RSPH14: variants seen among roughly 807,000 people sequenced by gnomAD.
RSPH14 encodes the protein rhabdoid tumor deletion region gene 1.
RSPH14 carries 20 observed loss-of-function variants against 26.7 expected under a neutral mutation model. The observed-to-expected ratio is 0.75, with a 90% confidence interval of 0.53 to 1.09. The LOEUF (loss-of-function observed/expected upper bound fraction) is 1.09. RSPH14 is among the 50% of genes least tolerant of loss of function. The probability of loss-of-function intolerance (pLI) is 0.00; values close to 1 mark genes in which losing one functional copy is unlikely to be tolerated. For missense variants in RSPH14, 449 were observed against 457.2 expected (o/e 0.98, Z 0.16); for synonymous variants, 177 against 189.3 (o/e 0.93, Z 0.53).
chr22:23,094,843 G>A (rs2069078122), intron 4 of RSPH14, among the ~76,000 whole-genome samples: 1 of 152,258 alleles, frequency 6.6e-6, no homozygotes, highest in Admixed American at 6.5e-5. Context: ...CTGGGCCGAG[G>A]CCTGGCCACC....
chr22:23,092,477 C>T (rs1024323343), intron 4 of RSPH14, among the ~76,000 whole-genome samples: 7 of 152,100 alleles, frequency 4.6e-5, no homozygotes, highest in African/African-American at 1.2e-4. Flanking sequence ...ATCTGAAAGA[C>T]GAGGGTCCTC....
At chr22:23,131,575 A>C (rs2070360410) in intron 4 of RSPH14, 1 of 1,294,632 alleles carries the variant, frequency 7.7e-7, no homozygotes. Flanking sequence ...GAATGCTTTA[A>C]ATAGGTCACA....
At chr22:23,134,238 T>C (rs984976471) in intron 3 of RSPH14, 94 bp from the exon 4 acceptor site, 14 of 909,676 alleles carry the variant, frequency 1.5e-5, no homozygotes, top group Non-Finnish European at 6.9e-6. Context: ...GTCTGATCCA[T>C]GCTATCTGGG....
At chr22:23,150,209 T>A in the RSPH14 span, 25 of 1,350,946 alleles carry the variant, frequency 1.9e-5, no homozygotes, top group African/African-American at 3.6e-4. Flanking sequence ...AATGAGTGCA[T>A]GAAGCACGTG....
At chr22:23,141,992 G>A, upstream of RSPH14, 1 of 985,548 alleles carries the variant, frequency 1.0e-6, no homozygotes, top group Non-Finnish European at 1.2e-6. Flanking sequence ...CGCGCCACTG[G>A]CCAACCTATT....
At chr22:23,085,561 C>T (rs189741484) in intron 4 of RSPH14, among the ~76,000 whole-genome samples, 193 of 152,290 alleles carry the variant, frequency 1.3e-3, no homozygotes, top group African/African-American at 4.3e-3. Context: ...TGGAACTGAG[C>T]CAGGGAGAGG....
At chr22:23,148,099 G>A (rs115112627), upstream of RSPH14, among the ~76,000 whole-genome samples, 837 of 152,276 alleles carry the variant, frequency 5.5e-3, 4 homozygotes, top group African/African-American at 0.014. Context: ...CCAGGCTGGT[G>A]AGGAGGAGGT....
At chr22:23,066,748 C>T (rs928463794) in intron 4 of RSPH14, among the ~76,000 whole-genome samples, 9 of 151,904 alleles carry the variant, frequency 5.9e-5, no homozygotes, top group African/African-American at 1.5e-4. Context: ...CCTGAGCGTC[C>T]GCTGGGGGTG....
chr22:23,102,108 A>G (rs1323072351), intron 4 of RSPH14, among the ~76,000 whole-genome samples: 1 of 152,208 alleles, frequency 6.6e-6, no homozygotes, highest in Admixed American at 6.5e-5. Flanking sequence ...TCCCTTCAGC[A>G]CCGGCTCCCC....
rs775728745 is a variant in RSPH14, at chr22:23,061,888, G to C, written c.711C>G (p.Val237=). ...GCTCCACTGGGTCTTTCAGCAGATG[G>C]ACCAGGATGGGGATGACGTCAAAAT... is the stretch of plus-strand genomic sequence containing the variant. ...VCHFDVIPIL[V]HLLKDPVEHV... The change falls in exon 6 of 7, where the codon GTC becomes GTG. Residue 237 remains valine (V), a synonymous_variant. Coordinates refer to ENST00000216036, the MANE Select transcript of RSPH14 (RefSeq NM_014433.3). 5.0e-6 allele frequency: 8 copies of C among 1,614,048 alleles called. No individual in the cohort carries two copies. In the African/African-American group the frequency reaches 1.1e-4, roughly 22 times the overall value.
At chr22:23,151,483 T>C in the RSPH14 span, among the ~76,000 whole-genome samples, 1 of 152,302 alleles carries the variant, frequency 6.6e-6, no homozygotes, top group Middle Eastern at 3.4e-3. Flanking sequence ...AGTGGTGCCC[T>C]CTTGCTGTCT....
chr22:23,167,190 C>G, the RSPH14 span, among the ~76,000 whole-genome samples: 1 of 152,138 alleles, frequency 6.6e-6, no homozygotes, highest in Non-Finnish European at 1.5e-5. Context: ...GGCTCAATGT[C>G]TCTCAGTCAG....
the RSPH14 span, among the ~76,000 whole-genome samples, chr22:23,172,853 G>A: frequency 6.6e-6 from 1 of 151,700 alleles, no homozygotes; most frequent in Non-Finnish European, 1.5e-5. Context: ...GGGAGGCTGA[G>A]GCAGGAGAAT....
upstream of RSPH14, among the ~76,000 whole-genome samples, chr22:23,144,099 A>AC (rs1393981317): frequency 6.7e-6 from 1 of 149,666 alleles, no homozygotes; most frequent in African/African-American, 2.4e-5. Context: ...TCTCAAAAAA[A>AC]AAAAAAAAAA....
chr22:23,173,596 A>G, the RSPH14 span, among the ~76,000 whole-genome samples: 1 of 149,130 alleles, frequency 6.7e-6, no homozygotes, highest in Non-Finnish European at 1.5e-5. Context: ...ACATGCCACA[A>G]TGCTCAGGTA....
chr22:23,063,826 C>T, intron 5 of RSPH14, 76 bp downstream of exon 5: 2 of 1,442,882 alleles, frequency 1.4e-6, no homozygotes, highest in South Asian at 1.2e-5. Context: ...GGGTGGCCGC[C>T]CTTGAGCTCT....
chr22:23,127,228 A>C (rs140981724), intron 4 of RSPH14, among the ~76,000 whole-genome samples: 1 of 152,326 alleles, frequency 6.6e-6, no homozygotes, highest in East Asian at 1.9e-4. Flanking sequence ...ACTTGAGGCA[A>C]CACTGAGGCT....
chr22:23,136,127 C>G (rs2070478050), intron 3 of RSPH14: 1 of 617,000 alleles, frequency 1.6e-6, no homozygotes, highest in Admixed American at 2.6e-5. Flanking sequence ...GTCTAGTCAC[C>G]CACTCCATGT....
chr22:23,149,127 G>A (rs1354174071), upstream of RSPH14, among the ~76,000 whole-genome samples: 3 of 151,160 alleles, frequency 2.0e-5, no homozygotes, highest in Non-Finnish European at 4.4e-5. Context: ...AGACACTGCG[G>A]CTGAGGGAGG....
Sources: allele counts gnomAD v4.1 joint callset (sites outside exome capture counted in the v4.1 genomes callset), GRCh38; gene constraint gnomAD v4.1.1; transcripts MANE v1.5; gene names NCBI Gene and HGNC (gene_info 2026-07-23, HGNC 2026-07-21).